The following TENM3 variants were observed in gnomAD, a reference collection of about 807,000 sequenced individuals.
TENM3 encodes the protein teneurin transmembrane protein 3.
TENM3 carries 63 observed loss-of-function variants against 255.1 expected under a neutral mutation model. The observed-to-expected ratio is 0.25, with a 90% CI of 0.20 to 0.30. TENM3 has a LOEUF of 0.30. Ranked by LOEUF, TENM3 falls within the 10% of genes least tolerant of loss-of-function variation. TENM3 has a pLI of 1.00. For missense variants in TENM3, 2,929 were observed against 3,461.1 expected (o/e 0.85, Z 3.86); for synonymous variants, 1,306 against 1,322.3 (o/e 0.99, Z 0.27).
At chr4:182,224,843 TCTC>T (rs1314348942) in intron 1 of TENM3, among the ~76,000 whole-genome samples, 1 of 151,814 alleles carries the variant, frequency 6.6e-6, no homozygotes, top group African/African-American at 2.4e-5. Flanking sequence ...TTCAAGCAAT[TCTC>T]CTGCCTCAGC....
At chr4:182,005,917 T>C in the TENM3 span, among the ~76,000 whole-genome samples, 1 of 152,194 alleles carries the variant, frequency 6.6e-6, no homozygotes, top group Non-Finnish European at 1.5e-5. Context: ...GCACATTGAT[T>C]TTGTATCCGG....
the TENM3 span, among the ~76,000 whole-genome samples, chr4:181,964,747 G>T: frequency 2.0e-5 from 3 of 152,116 alleles, no homozygotes; most frequent in Non-Finnish European, 4.4e-5. Context: ...TATAAAACAC[G>T]TATTTGCCAC....
the TENM3 span, among the ~76,000 whole-genome samples, chr4:181,976,888 G>A: frequency 2.0e-5 from 3 of 152,310 alleles, no homozygotes; most frequent in South Asian, 6.2e-4. Flanking sequence ...GATTCAGAGT[G>A]ACGGAAAGAA....
intron 1 of TENM3, among the ~76,000 whole-genome samples, chr4:182,181,182 C>A (rs1220967902): frequency 6.6e-6 from 1 of 152,104 alleles, no homozygotes; most frequent in African/African-American, 2.4e-5. Flanking sequence ...TCAGGCATTC[C>A]GTATACATAA....
chr4:182,564,400 C>T (rs559431531), intron 3 of TENM3, among the ~76,000 whole-genome samples: 11 of 152,150 alleles, frequency 7.2e-5, no homozygotes, highest in South Asian at 4.1e-4. Context: ...ACAGTCCTCC[C>T]GCCTTGGCCT....
At chr4:182,518,687 AC>A (rs1176969728) in intron 3 of TENM3, among the ~76,000 whole-genome samples, 2 of 152,250 alleles carry the variant, frequency 1.3e-5, no homozygotes, top group Non-Finnish European at 2.9e-5. Context: ...CTCAGCTGAC[AC>A]CTTGATTTCA....
intron 1 of TENM3, among the ~76,000 whole-genome samples, chr4:182,166,132 G>C (rs376426575): frequency 2.6e-5 from 4 of 152,158 alleles, no homozygotes; most frequent in Non-Finnish European, 5.9e-5. Flanking sequence ...AGGTTACTCC[G>C]TTGTCCCGTT....
the TENM3 span, among the ~76,000 whole-genome samples, chr4:181,804,187 G>A: frequency 6.6e-6 from 1 of 150,920 alleles, no homozygotes; most frequent in Non-Finnish European, 1.5e-5. Flanking sequence ...AAGAAGGGAG[G>A]GAGGGAAATA....
At chr4:182,522,585 T>C (rs1738695851) in intron 3 of TENM3, among the ~76,000 whole-genome samples, 1 of 152,238 alleles carries the variant, frequency 6.6e-6, no homozygotes, top group Non-Finnish European at 1.5e-5. Flanking sequence ...TTAAAAAATT[T>C]ATTTGTTTTA....
chr4:182,374,619 T>C (rs7685169), intron 3 of TENM3, among the ~76,000 whole-genome samples: 9,316 of 152,276 alleles, frequency 0.061, 373 homozygotes, highest in African/African-American at 0.1. Flanking sequence ...CCCTACATGA[T>C]ATCTTTCCAT....
intron 1 of TENM3, among the ~76,000 whole-genome samples, chr4:182,283,204 G>T (rs1158799792): frequency 6.6e-6 from 1 of 152,106 alleles, no homozygotes; most frequent in Admixed American, 6.5e-5. Flanking sequence ...ATAATTACAT[G>T]AATCCATTCT....
chr4:182,080,212 G>C, the TENM3 span, among the ~76,000 whole-genome samples: 1 of 152,140 alleles, frequency 6.6e-6, no homozygotes, highest in Non-Finnish European at 1.5e-5. Flanking sequence ...TTCCACCTGA[G>C]GCCAGATGTG....
At chr4:182,324,984 C>T (rs1475956402) in intron 2 of TENM3, among the ~76,000 whole-genome samples, 3 of 152,116 alleles carry the variant, frequency 2.0e-5, no homozygotes, top group Non-Finnish European at 2.9e-5. Flanking sequence ...ACTCTTAAGA[C>T]AGTAGGTTAT....
rs57246904 is a variant in TENM3, at chr4:182,592,552, C to T, written c.512-8372C>T. ...CAACCAGGCCAGCATGGTGAAACCC[C>T]GTTTCTACTAAAAATATAAAAAATT... On this transcript the variant is annotated intron_variant, in intron 3 of 27. Coordinates refer to ENST00000511685, the MANE Select transcript of TENM3 (RefSeq NM_001080477.4). Among the ~76,000 whole-genome samples the T allele has an allele frequency of 6.8e-3, 1,032 of 152,244 alleles. 35 individuals are homozygous for T. In the East Asian group the frequency reaches 0.079, roughly 12 times the overall value.
At chr4:181,808,494 G>C in the TENM3 span, among the ~76,000 whole-genome samples, 2 of 152,120 alleles carry the variant, frequency 1.3e-5, no homozygotes, top group Non-Finnish European at 2.9e-5. Context: ...GATACTTTCT[G>C]TAATCTATCT....
the TENM3 span, among the ~76,000 whole-genome samples, chr4:181,816,501 A>G: frequency 1.3e-3 from 192 of 152,008 alleles, 1 homozygote; most frequent in African/African-American, 4.2e-3. Flanking sequence ...AGGTTATTAT[A>G]AGGATCAAAG....
chr4:182,192,727 A>G (rs759105274), intron 1 of TENM3, among the ~76,000 whole-genome samples: 3 of 152,168 alleles, frequency 2.0e-5, no homozygotes, highest in Admixed American at 6.6e-5. Flanking sequence ...CTTTCCCAAG[A>G]TAAGTGTGGG....
chr4:182,313,637 A>T (rs898297527), intron 1 of TENM3, among the ~76,000 whole-genome samples: 4 of 151,714 alleles, frequency 2.6e-5, no homozygotes, highest in Non-Finnish European at 5.9e-5. Flanking sequence ...AGAAGGAAAA[A>T]ATATTACCTG....
chr4:182,692,655 A>C (rs540417256), intron 12 of TENM3, among the ~76,000 whole-genome samples: 6 of 152,326 alleles, frequency 3.9e-5, no homozygotes, highest in African/African-American at 1.4e-4. Context: ...CAATGTATAA[A>C]TGTTTGTTAG....
Sources: allele counts gnomAD v4.1 joint callset (sites outside exome capture counted in the v4.1 genomes callset), GRCh38; gene constraint gnomAD v4.1.1; transcripts MANE v1.5; gene names NCBI Gene and HGNC (gene_info 2026-07-23, HGNC 2026-07-21).